The following GPATCH2L variants were observed in gnomAD, a reference collection of about 807,000 sequenced individuals.
GPATCH2L encodes G patch domain-containing protein 2-like.
In GPATCH2L, 31 loss-of-function variants were observed where a neutral mutation model predicts 57.4. The observed-to-expected ratio is 0.54, with a 90% CI of 0.41 to 0.73. The LOEUF (loss-of-function observed/expected upper bound fraction) is 0.73, where lower values mean the gene tolerates loss of function less well. Among genes scored for constraint, GPATCH2L ranks in the 30% least tolerant of loss-of-function variants. GPATCH2L has a pLI of 0.00. For synonymous variants in GPATCH2L, 199 were observed against 210.7 expected (o/e 0.94, Z 0.48); for missense variants, 481 against 599.9 (o/e 0.80, Z 2.07).
chr14:76,162,385 G>A (rs976587460), intron 2 of GPATCH2L, among the ~76,000 whole-genome samples: 3 of 152,224 alleles, frequency 2.0e-5, no homozygotes, highest in African/African-American at 7.2e-5. Flanking sequence ...GAGTCAGAAA[G>A]AGGGCCCAAG....
intron 1 of GPATCH2L, among the ~76,000 whole-genome samples, chr14:76,223,332 T>C (rs1178687629): frequency 3.9e-5 from 6 of 152,202 alleles, no homozygotes; most frequent in African/African-American, 7.2e-5. Context: ...TTCAACCCAT[T>C]CAACTGGATT....
Position 76,203,118 on chromosome 14 carries a change from G to A in GPATCH2L, c.*1267G>A, listed in dbSNP as rs2040336401. On this transcript the variant is annotated 3_prime_UTR_variant, in exon 10 of 10. Coordinates refer to ENST00000261530, the MANE Select transcript of GPATCH2L (RefSeq NM_017926.4). ...TTCTGTCTTAAATAGGTGCTGAATG[G>A]GGCAGCACCTCCTTCCCCCAAAGTG... 1 of 152,144 alleles carries A rather than the reference G, an allele frequency of 6.6e-6. No individual in the cohort carries two copies. The highest frequency in any genetic ancestry group is 2.4e-5 in the African/African-American group (1 of 41,404). 9.4% of individuals were successfully genotyped at this position (152,144 alleles called of 1,614,324 possible).
chr14:76,230,540 C>G (rs1182198660), intron 2 of GPATCH2L: 1 of 151,968 alleles, frequency 6.6e-6, no homozygotes, highest in Non-Finnish European at 1.5e-5. Context: ...CATTGATCCT[C>G]TCAGTTGGCC....
intron 2 of GPATCH2L, among the ~76,000 whole-genome samples, chr14:76,158,129 C>CT (rs984865016): frequency 1.5e-4 from 23 of 148,738 alleles, no homozygotes; most frequent in East Asian, 9.8e-4. Context: ...AGTTTAGCTT[C>CT]TTTTTTTTTT....
chr14:76,173,569 C>A lies in GPATCH2L; in HGVS notation c.928C>A (p.Leu310Ile). 6.2e-7 allele frequency: 1 copy of A among 1,612,820 alleles called. No individual in the cohort carries two copies. The highest frequency in any genetic ancestry group is 1.3e-5 in the African/African-American group (1 of 74,988). ...AGGGTACCATACTCGCTTGAATCGTCTACCTGGAGCTGCAGCTCGATGCCT... is the reference window on the plus strand; with the variant it reads ...AGGGTACCATACTCGCTTGAATCGTATACCTGGAGCTGCAGCTCGATGCCT... ...QRGYHTRLNR[L>I]PGAAARCLRK... is the part of the protein sequence containing the mutation. Residue 310 changes from leucine (L) to isoleucine (I), a missense_variant, in exon 5 of 10, where the codon CTA becomes ATA. Coordinates refer to ENST00000261530, the MANE Select transcript of GPATCH2L (RefSeq NM_017926.4).
intron 1 of GPATCH2L, among the ~76,000 whole-genome samples, chr14:76,223,851 A>C (rs567440843): frequency 1.3e-5 from 2 of 152,346 alleles, no homozygotes; most frequent in South Asian, 2.1e-4. Context: ...ATCATTAGTC[A>C]CTGAAGAAAC....
intron 7 of GPATCH2L, chr14:76,178,334 T>C: frequency 8.9e-7 from 1 of 1,126,276 alleles, no homozygotes; most frequent in Non-Finnish European, 1.2e-6. Flanking sequence ...TAGAGCTGCT[T>C]TGGGTGAAGT....
downstream of GPATCH2L, among the ~76,000 whole-genome samples, chr14:76,219,167 A>G (rs183815392): frequency 6.6e-6 from 1 of 152,246 alleles, no homozygotes; most frequent in Non-Finnish European, 1.5e-5. Context: ...AGCAAATGCA[A>G]ATGAGAACTT....
chr14:76,178,346 G>C, intron 7 of GPATCH2L: 1 of 1,009,858 alleles, frequency 9.9e-7, no homozygotes, highest in Non-Finnish European at 1.3e-6. Flanking sequence ...GGGTGAAGTG[G>C]GGTCAAAGCC....
chr14:76,162,019 G>A (rs1179983941), intron 2 of GPATCH2L, among the ~76,000 whole-genome samples: 1 of 152,196 alleles, frequency 6.6e-6, no homozygotes, highest in Non-Finnish European at 1.5e-5. Flanking sequence ...CTGGGTGACA[G>A]AGCGAGACTC....
downstream of GPATCH2L, among the ~76,000 whole-genome samples, chr14:76,215,393 T>A (rs1385877804): frequency 6.6e-6 from 1 of 152,042 alleles, no homozygotes; most frequent in African/African-American, 2.4e-5. Flanking sequence ...AAATACCATT[T>A]GACCCAGCCA....
At position 76,208,086 on chromosome 14, in the gene GPATCH2L, C is replaced by G. The variant is rs924039837; in HGVS notation, c.*6235C>G. The G allele has an allele frequency of 6.6e-6, 1 of 152,132 alleles. No homozygotes were observed. The highest frequency in any genetic ancestry group is 6.5e-5 in the Admixed American group (1 of 15,268). 9.4% of individuals were successfully genotyped at this position (152,132 alleles called of 1,614,324 possible). A position where few individuals can be genotyped will look rare whatever the true frequency, so the allele number is the denominator to read the frequency against. On this transcript the variant is annotated 3_prime_UTR_variant, in exon 10 of 10. Coordinates refer to ENST00000261530, the MANE Select transcript of GPATCH2L (RefSeq NM_017926.4). ...TCTTGAAGACCAGTTAAAACTACCT[C>G]TGGCCAAAAATGTTAGTGTTACTAG...
chr14:76,219,005 CAAA>C (rs572896740), downstream of GPATCH2L, among the ~76,000 whole-genome samples: 555 of 73,780 alleles, frequency 7.5e-3, 3 homozygotes, highest in African/African-American at 0.023. Context: ...TCTAAAAGTA[CAAA>C]AAAAAAAAAA....
rs1432315058 is a variant in GPATCH2L at position 76,213,099 on chromosome 14, T to C, written c.*11248T>C. 1 of 152,038 alleles carries C rather than the reference T, an allele frequency of 6.6e-6. No homozygotes were observed. The highest frequency in any genetic ancestry group is 1.5e-5 in the Non-Finnish European group (1 of 67,994). The allele number at this position is 152,038 out of a possible 1,614,324, so 9.4% of individuals were successfully genotyped here. ...GAAAAGGAATCTTTTAAAGGCAGGC[T>C]AAAAGAATCAAGAAAAATTAATTAG... On this transcript the variant is annotated 3_prime_UTR_variant, in exon 10 of 10. Transcript: ENST00000261530.
At chr14:76,232,009 T>TGACTG (rs2040570608) in intron 2 of GPATCH2L, among the ~76,000 whole-genome samples, 1 of 152,268 alleles carries the variant, frequency 6.6e-6, no homozygotes. Flanking sequence ...CACTGCAGGC[T>TGACTG]CAAGCAATCT....
intron 7 of GPATCH2L, 80 bp from the exon 8 acceptor site, chr14:76,180,684 G>C (rs1160553319): frequency 1.1e-6 from 1 of 884,890 alleles, no homozygotes. Flanking sequence ...AAGGGGAAAA[G>C]TAATCAAATG....
rs1594936261 is a variant in GPATCH2L at position 76,171,726 on chromosome 14, A to T, written c.728-117A>T. 4.3e-6 allele frequency: 3 copies of T among 691,576 alleles called. No homozygotes were observed. The East Asian group carries it at 8.3e-5, about 19-fold the overall frequency. The allele number at this position is 691,576 out of a possible 1,614,324, so 42.8% of individuals were successfully genotyped here. ...TGACAGAGCAAGACTCTGTCTCAAAAAGGAAAAAAAAAAAAAAGGATGATC... is the reference window on the plus strand; with the variant it reads ...TGACAGAGCAAGACTCTGTCTCAAATAGGAAAAAAAAAAAAAAGGATGATC... On this transcript the variant is annotated intron_variant, in intron 3 of 9. Transcript: ENST00000261530.
intron 8 of GPATCH2L, among the ~76,000 whole-genome samples, chr14:76,186,977 G>A (rs1035287205): frequency 1.3e-5 from 2 of 151,860 alleles, no homozygotes; most frequent in Non-Finnish European, 2.9e-5. Flanking sequence ...TGCTAGGATC[G>A]CTTCCTGTTA....
At chr14:76,155,809 T>G (rs999128919) in intron 2 of GPATCH2L, among the ~76,000 whole-genome samples, 2 of 152,210 alleles carry the variant, frequency 1.3e-5, no homozygotes, top group Non-Finnish European at 2.9e-5. Context: ...GCCATTGGTG[T>G]TTTGGATGGG....
Sources: gnomAD v4.1 joint callset for allele counts (sites outside exome capture counted in the v4.1 genomes callset) on GRCh38, gnomAD v4.1.1 for gene constraint, MANE v1.5 for transcripts, NCBI Gene and HGNC (gene_info 2026-07-23, HGNC 2026-07-21) for gene names.